Variants in DNHD1 observed in about 807,000 individuals in gnomAD.
DNHD1 encodes the protein dynein heavy chain domain-containing protein 1.
A neutral mutation model predicts 458.1 loss-of-function variants in DNHD1; 383 were observed. The ratio of observed to expected loss-of-function variants is 0.84; its 90% CI spans 0.77 to 0.91. The LOEUF is 0.91. Ranked by LOEUF, DNHD1 falls within the 40% of genes least tolerant of loss-of-function variation. The pLI, the probability that DNHD1 is intolerant of heterozygous loss-of-function variation, is 0.00. For synonymous variants in DNHD1, 2,203 were observed against 2,376.9 expected (o/e 0.93, Z 2.13); for missense variants, 5,336 against 5,866.1 (o/e 0.91, Z 2.95).
At chr11:6,533,287 G>T (rs1423312015) in intron 13 of DNHD1, 103 bp downstream of exon 13, 8 of 1,230,520 alleles carry the variant, frequency 6.5e-6, no homozygotes, top group Non-Finnish European at 9.0e-6. Flanking sequence ...AGCAGAGCTT[G>T]ATGCTCTTAA....
chr11:6,521,032 T>C (rs1411857320), intron 10 of DNHD1, among the ~76,000 whole-genome samples: 1 of 152,220 alleles, frequency 6.6e-6, no homozygotes, highest in Non-Finnish European at 1.5e-5. Flanking sequence ...TTGGGGCACA[T>C]TGTTTTCTCC....
rs1292029410 is a variant in DNHD1, at chr11:6,546,936, C to G, written c.5997C>G (p.Thr1999=). ...LLLGPAGSGK[T]TCWHSLFKIQ... is the part of the protein sequence containing the mutation. Reference sequence around the variant, plus strand: ...TGGGCCCTGCGGGCAGCGGCAAGACCACTTGTTGGCACAGCTTATTTAAGA... The same window carrying G: ...TGGGCCCTGCGGGCAGCGGCAAGACGACTTGTTGGCACAGCTTATTTAAGA... The change falls in exon 21 of 43, where the codon ACC becomes ACG. Residue 1999 remains threonine, a synonymous_variant. Coordinates refer to ENST00000254579, the MANE Select transcript of DNHD1 (RefSeq NM_144666.3). 2.6e-6 allele frequency: 4 copies of G among 1,551,450 alleles called. No individual in the cohort carries two copies. The Admixed American group carries it at 5.9e-5, about 23-fold the overall frequency.
chr11:6,562,943 C>A, intron 28 of DNHD1, 39 bp from the exon 29 acceptor site: 4 of 1,541,906 alleles, frequency 2.6e-6, no homozygotes, highest in Non-Finnish European at 3.5e-6. Context: ...CCGCGTGGCC[C>A]AAGATCTGGA....
At position 6,559,164 on chromosome 11, in the gene DNHD1, G is replaced by A. The variant is rs1439772972; in HGVS notation, c.9417-17G>A. On this transcript the variant is annotated splice_polypyrimidine_tract_variant and intron_variant, in intron 27 of 42. Coordinates refer to ENST00000254579, the MANE Select transcript of DNHD1 (RefSeq NM_144666.3). ...TCTGCTCCTTTGGGTTTCCTCACCA[G>A]CACATTGTATCTCCAGGGTCCAGAA... is the stretch of plus-strand genomic sequence containing the variant. The A allele has an allele frequency of 9.0e-6, 14 of 1,551,546 alleles. No homozygotes were observed. Among genetic ancestry groups the A allele is most frequent in the Non-Finnish European group, 1.2e-5 (14 of 1,146,964 alleles).
In DNHD1 at chr11:6,552,144, G is replaced by C. The variant is rs115535246; in HGVS notation, c.7387+3211G>C. On this transcript the variant is annotated intron_variant, in intron 24 of 42. Coordinates refer to ENST00000254579, the MANE Select transcript of DNHD1 (RefSeq NM_144666.3). ...GAAAAACTTTATGCTAATAAATTTA[G>C]CAACTTAGGTGAAATGGATACATGC... is the stretch of plus-strand genomic sequence containing the variant. Among the ~76,000 whole-genome samples the C allele has an allele frequency of 4.8e-3, 725 of 149,828 alleles. 77 individuals are homozygous for C. Among genetic ancestry groups the C allele is most frequent in the African/African-American group, 0.017 (688 of 39,928 alleles).
chr11:6,562,766 G>C (rs751542590), intron 28 of DNHD1, among the ~76,000 whole-genome samples: 5 of 152,144 alleles, frequency 3.3e-5, no homozygotes, highest in Non-Finnish European at 5.9e-5. Flanking sequence ...TGCAGAAAAA[G>C]CAACCACACA....
chr11:6,571,355 C>G lies in DNHD1; in HGVS notation c.13843C>G (p.Arg4615Gly), dbSNP rs1184764747. The change falls in exon 42 of 43, where the codon CGA becomes GGA. Residue 4615 changes from arginine (R) to glycine (G), a missense_variant. Transcript: ENST00000254579. This position sits in a 1 kb window ranked among gnomAD's most constrained non-coding sequence, Gnocchi z 5.0. ...GCCCAGCTCGAATTTCCCTGGTAGC[C>G]GAGGCTCGGTCTCCAGTCAGCTCCA... ...NVPSSNFPGS[R>G]GSVSSQLQYK... 2 of 1,612,164 alleles carry G rather than the reference C, an allele frequency of 1.2e-6. No individual in the cohort carries two copies. The highest frequency in any genetic ancestry group is 2.7e-5 in the African/African-American group (2 of 74,886).
Position 6,544,173 on chromosome 11 carries a change from G to T in DNHD1, c.3681G>T (p.Lys1227Asn), listed in dbSNP as rs773417733. 6.4e-7 allele frequency: 1 copy of T among 1,551,600 alleles called. No homozygotes were observed. Among genetic ancestry groups the T allele is most frequent in the Non-Finnish European group, 8.7e-7 (1 of 1,146,966 alleles). The stretch of plus-strand genomic sequence containing the variant: ...AGGAAAGTCTTCAGGTGTTGTCCAA[G>T]ATCTTGGCCATCGAAAAGTCAGGAG... ...SIQESLQVLSKILAIEKSGDL... is the reference protein window; with the variant it reads ...SIQESLQVLSNILAIEKSGDL... The change falls in exon 19 of 43, where the codon AAG becomes AAT. Residue 1227 changes from lysine to asparagine, a missense_variant. Transcript: ENST00000254579.
At chr11:6,510,685 A>C (rs535750627) in intron 6 of DNHD1, among the ~76,000 whole-genome samples, 3 of 152,222 alleles carry the variant, frequency 2.0e-5, no homozygotes, top group African/African-American at 7.2e-5. Flanking sequence ...CACTGTGAAT[A>C]CAAAGTGCCA....
rs773799492 is a variant in DNHD1, at chr11:6,571,336, C to T, written c.13824C>T (p.Ser4608=). ...CTGCCCTGGACCAGAATGTGCCCAG[C>T]TCGAATTTCCCTGGTAGCCGAGGCT... ...GEAALDQNVP[S]SNFPGSRGSV... is the part of the protein sequence containing the mutation. Residue 4608 remains serine (S), a synonymous_variant, in exon 42 of 43, where the codon AGC becomes AGT. Transcript: ENST00000254579. This position sits in a 1 kb window ranked among gnomAD's most constrained non-coding sequence, Gnocchi z 5.0. 1 of 1,612,470 alleles carries T rather than the reference C, an allele frequency of 6.2e-7. No individual in the cohort carries two copies. The highest frequency in any genetic ancestry group is 1.1e-5 in the South Asian group (1 of 90,850).
intron 7 of DNHD1, 146 bp downstream of exon 7, chr11:6,511,575 A>T: frequency 9.6e-7 from 1 of 1,039,972 alleles, no homozygotes; most frequent in Non-Finnish European, 1.4e-6. Flanking sequence ...GCCCAGCAAC[A>T]GCAGTTTCTG....
Position 6,564,549 on chromosome 11 carries a change from C to T in DNHD1, c.10501C>T (p.Leu3501=). The change falls in exon 32 of 43, where the codon CTG becomes TTG. Residue 3501 remains leucine (L), a synonymous_variant. Coordinates refer to ENST00000254579, the MANE Select transcript of DNHD1 (RefSeq NM_144666.3). The part of the protein sequence containing the change: ...KSVSIPPKNP[L]LATHSPFSIL... ...TGTCAGCATACCACCAAAGAACCCC[C>T]TGCTGGCTACACACTCTCCCTTCAG... The T allele has an allele frequency of 6.4e-7, 1 of 1,551,742 alleles. No individual in the cohort carries two copies. The highest frequency in any genetic ancestry group is 1.2e-5 in the South Asian group (1 of 84,064).
chr11:6,514,057 A>G (rs1184495396), intron 7 of DNHD1, among the ~76,000 whole-genome samples: 2 of 151,968 alleles, frequency 1.3e-5, no homozygotes, highest in African/African-American at 4.8e-5. Context: ...CATGTTAGCC[A>G]GGATGGTCTC....
chr11:6,520,408 T>C, intron 10 of DNHD1, 119 bp downstream of exon 10: 1 of 1,535,750 alleles, frequency 6.5e-7, no homozygotes. Flanking sequence ...TGGGTGTGGA[T>C]GGAGCAGCTC....
Position 6,558,093 on chromosome 11 carries a change from A to G in DNHD1, c.8798A>G (p.His2933Arg). The G allele has an allele frequency of 2.6e-6, 4 of 1,551,648 alleles. No individual in the cohort carries two copies. The highest frequency in any genetic ancestry group is 3.5e-6 in the Non-Finnish European group (4 of 1,146,936). The change falls in exon 25 of 43, where the codon CAT becomes CGT. Residue 2933 changes from histidine (H) to arginine (R), a missense_variant. His to Arg is a conservative substitution (Grantham distance 29). Coordinates refer to ENST00000254579, the MANE Select transcript of DNHD1 (RefSeq NM_144666.3). ...CAATGTCTACGAGATGCCAGCTGGC[A>G]TGCTGGCATGTTAAGCCAGCCAGTG... Reference protein sequence around the residue: ...ILQCLRDASWHAGMLSQPVAL... With the variant: ...ILQCLRDASWRAGMLSQPVAL...
At chr11:6,564,257 G>C in intron 31 of DNHD1, 76 bp from the exon 32 acceptor site, 3 of 1,456,542 alleles carry the variant, frequency 2.1e-6, no homozygotes, top group Non-Finnish European at 2.8e-6. Flanking sequence ...ACCCCACCTT[G>C]CCCTCCCTCT....
chr11:6,512,192 A>G (rs984182521), intron 7 of DNHD1, among the ~76,000 whole-genome samples: 1 of 144,402 alleles, frequency 6.9e-6, no homozygotes, highest in Non-Finnish European at 1.5e-5. Flanking sequence ...ACTGCAAGGA[A>G]TTTCTTTTCT....
chr11:6,570,238 C>T lies in DNHD1; in HGVS notation c.12956-9C>T. The T allele has an allele frequency of 6.2e-7, 1 of 1,613,690 alleles. No homozygotes were observed. The highest frequency in any genetic ancestry group is 8.5e-7 in the Non-Finnish European group (1 of 1,179,746). On this transcript the variant is annotated splice_polypyrimidine_tract_variant and intron_variant, in intron 40 of 42. Transcript: ENST00000254579. ...TACTGGAACTGAGAGACTCTAACCT[C>T]ATCTTCAGCTTCAGTTTTCTACGGG... is the stretch of plus-strand genomic sequence containing the variant.
chr11:6,525,677 G>T (rs752713280), intron 10 of DNHD1, among the ~76,000 whole-genome samples: 17 of 152,132 alleles, frequency 1.1e-4, no homozygotes, highest in Non-Finnish European at 2.2e-4. Context: ...CTTCTATGTT[G>T]ATAACAATTT....
Sources: allele counts gnomAD v4.1 joint callset (sites outside exome capture counted in the v4.1 genomes callset), GRCh38; gene constraint gnomAD v4.1.1; non-coding constraint Gnocchi (gnomAD v3.1); transcripts MANE v1.5; gene names NCBI Gene and HGNC (gene_info 2026-07-23, HGNC 2026-07-21).